ATP13A4: variants seen among roughly 807,000 people sequenced by gnomAD.
The protein encoded by ATP13A4 is probable cation-transporting ATPase 13A4.
ATP13A4 carries 114 observed loss-of-function variants against 142.5 expected under a neutral mutation model. The observed-to-expected ratio is 0.80, with a 90% confidence interval of 0.69 to 0.93. The LOEUF (loss-of-function observed/expected upper bound fraction) is 0.93. ATP13A4 is among the 40% of genes least tolerant of loss of function. The pLI is 0.00. For synonymous variants in ATP13A4, 488 were observed against 514.8 expected (o/e 0.95, Z 0.70); for missense variants, 1,392 against 1,454.0 (o/e 0.96, Z 0.69).
At chr3:193,575,812 A>T (rs529124604) in intron 2 of ATP13A4, among the ~76,000 whole-genome samples, 1 of 152,216 alleles carries the variant, frequency 6.6e-6, no homozygotes, top group South Asian at 2.1e-4. Context: ...TCTGAGTTCC[A>T]CTCATAGGTT....
At chr3:193,577,668 G>A (rs1422754030) in intron 2 of ATP13A4, among the ~76,000 whole-genome samples, 1 of 152,166 alleles carries the variant, frequency 6.6e-6, no homozygotes, top group Non-Finnish European at 1.5e-5. Context: ...AGTGGAACTG[G>A]AAGCTCTAAA....
rs1377626939 is a variant in ATP13A4 at position 193,419,909 on chromosome 3, C to A, written c.2843-5159G>T. Among the ~76,000 whole-genome samples, 3 of 150,070 alleles carry A rather than the reference C, an allele frequency of 2.0e-5. No individual in the cohort carries two copies. In the East Asian group the frequency reaches 6.2e-4, roughly 31 times the overall value. On this transcript the variant is annotated intron_variant, in intron 25 of 29. Transcript: ENST00000342695. ...TTTTGGGTTCTTTGCTGTTGCCGTA[C>A]CCCAGCTTCACAGAGTATGGAATAC... is the stretch of plus-strand genomic sequence containing the variant.
At chr3:193,431,641 A>G (rs1482530577) in intron 25 of ATP13A4, among the ~76,000 whole-genome samples, 1 of 150,680 alleles carries the variant, frequency 6.6e-6, no homozygotes, top group Non-Finnish European at 1.5e-5. Flanking sequence ...ACTATATATA[A>G]ATATGCTTCC....
intron 25 of ATP13A4, 39 bp from the exon 26 acceptor site, chr3:193,414,789 G>A (rs746924120): frequency 1.9e-6 from 3 of 1,593,430 alleles, no homozygotes; most frequent in Non-Finnish European, 2.6e-6. Context: ...ATGAGAGCAG[G>A]AAAATGTATT....
At chr3:193,423,683 C>T (rs1677180551) in intron 25 of ATP13A4, among the ~76,000 whole-genome samples, 1 of 149,610 alleles carries the variant, frequency 6.7e-6, no homozygotes, top group South Asian at 2.1e-4. Flanking sequence ...CACCTCAATG[C>T]AATAAAGGTC....
chr3:193,560,627 A>G (rs1218789067), intron 2 of ATP13A4, among the ~76,000 whole-genome samples: 1 of 152,180 alleles, frequency 6.6e-6, no homozygotes, highest in Non-Finnish European at 1.5e-5. Flanking sequence ...GAACCCACCA[A>G]TTGTGTAAAG....
Position 193,477,248 on chromosome 3 carries a change from ATATTT to A in ATP13A4, c.809-6260_809-6256del, listed in dbSNP as rs538795427. On this transcript the variant is annotated intron_variant, in intron 8 of 29. Transcript: ENST00000342695. ...GACAAAGGAATTAAAAAGACTCTTTATATTTTAGAGCTATATGCTGAAATATTTTC... is the reference window on the plus strand; with the variant it reads ...GACAAAGGAATTAAAAAGACTCTTTATAGAGCTATATGCTGAAATATTTTC... Among the ~76,000 whole-genome samples, 6 of 152,250 alleles carry A rather than the reference ATATTT, an allele frequency of 3.9e-5. No individual in the cohort carries two copies. The South Asian group carries it at 1.2e-3, about 32-fold the overall frequency.
At chr3:193,584,538 CTGTTA>C (rs1219131346) in intron 1 of ATP13A4, among the ~76,000 whole-genome samples, 1 of 152,106 alleles carries the variant, frequency 6.6e-6, no homozygotes, top group Non-Finnish European at 1.5e-5. Flanking sequence ...GGCTCTTTGC[CTGTTA>C]TGCTCATTTT....
intron 28 of ATP13A4, among the ~76,000 whole-genome samples, chr3:193,410,730 G>T (rs1714725929): frequency 6.6e-6 from 1 of 152,072 alleles, no homozygotes; most frequent in South Asian, 2.1e-4. Context: ...TAAATAATAA[G>T]AAGAAAACAA....
chr3:193,453,097 C>T (rs1717380412), intron 17 of ATP13A4, among the ~76,000 whole-genome samples: 1 of 152,154 alleles, frequency 6.6e-6, no homozygotes, highest in Admixed American at 6.5e-5. Context: ...ATTCTATACA[C>T]AGGTACAAGC....
At chr3:193,478,556 C>T (rs1003825941) in intron 8 of ATP13A4, among the ~76,000 whole-genome samples, 14 of 151,818 alleles carry the variant, frequency 9.2e-5, no homozygotes, top group African/African-American at 3.2e-4. Context: ...AAATATACAA[C>T]CCTCCTAGGC....
intron 8 of ATP13A4, among the ~76,000 whole-genome samples, chr3:193,482,808 C>T (rs1000358986): frequency 6.6e-6 from 1 of 152,142 alleles, no homozygotes; most frequent in Non-Finnish European, 1.5e-5. Context: ...TGTAAAACGG[C>T]GCCACTGCGT....
intron 1 of ATP13A4, among the ~76,000 whole-genome samples, chr3:193,591,995 TC>T (rs1280327654): frequency 2.0e-5 from 3 of 151,776 alleles, no homozygotes; most frequent in Non-Finnish European, 4.4e-5. Context: ...ATTCTAAGAG[TC>T]CTGCATTTGG....
intron 11 of ATP13A4, 104 bp from the exon 12 acceptor site, chr3:193,465,232 G>T: frequency 8.0e-7 from 1 of 1,248,630 alleles, no homozygotes; most frequent in Non-Finnish European, 1.1e-6. Flanking sequence ...TTGTCGCCCA[G>T]GCTGGAATAC....
chr3:193,566,412 C>T (rs962342317), intron 2 of ATP13A4, among the ~76,000 whole-genome samples: 1 of 152,106 alleles, frequency 6.6e-6, no homozygotes, highest in Non-Finnish European at 1.5e-5. Flanking sequence ...CTCAGTGTAC[C>T]AGTGACCTAT....
rs1162449082 is a variant in ATP13A4 at position 193,438,997 on chromosome 3, G to A, written c.2562+26C>T. ...TAAGTGTAATCGAATGTGAGATTATGGCCACACAAACTGGTAGCTACTTAC... is the reference window on the plus strand; with the variant it reads ...TAAGTGTAATCGAATGTGAGATTATAGCCACACAAACTGGTAGCTACTTAC... On this transcript the variant is annotated intron_variant, in intron 22 of 29. Coordinates refer to ENST00000342695, the MANE Select transcript of ATP13A4 (RefSeq NM_032279.4). 3.1e-6 allele frequency: 5 copies of A among 1,588,564 alleles called. No individual in the cohort carries two copies. In the African/African-American group the frequency reaches 5.4e-5, roughly 17 times the overall value.
chr3:193,471,125 AC>A (rs1313866768), intron 8 of ATP13A4, 132 bp from the exon 9 acceptor site: 16 of 1,192,788 alleles, frequency 1.3e-5, no homozygotes, highest in Non-Finnish European at 1.8e-5. Flanking sequence ...ACATTCCTCA[AC>A]ATTGATTCAA....
chr3:193,547,660 T>C (rs1403183963), intron 1 of ATP13A4, among the ~76,000 whole-genome samples: 1 of 152,230 alleles, frequency 6.6e-6, no homozygotes, highest in East Asian at 1.9e-4. Flanking sequence ...ATGATACCTA[T>C]TATATCACAC....
At chr3:193,588,295 C>G (rs1024193127) in intron 1 of ATP13A4, among the ~76,000 whole-genome samples, 1 of 152,184 alleles carries the variant, frequency 6.6e-6, no homozygotes, top group Non-Finnish European at 1.5e-5. Flanking sequence ...CCCTGTGGAA[C>G]TCCAAAGCTT....
Sources: gnomAD v4.1 joint callset for allele counts (sites outside exome capture counted in the v4.1 genomes callset) on GRCh38, gnomAD v4.1.1 for gene constraint, MANE v1.5 for transcripts, NCBI Gene and HGNC (gene_info 2026-07-23, HGNC 2026-07-21) for gene names.